The following BNC2 variants were observed in gnomAD, a reference collection of about 807,000 sequenced individuals.
BNC2 encodes zinc finger protein basonuclin-2.
A neutral mutation model predicts 76.3 loss-of-function variants in BNC2; 20 were observed. The observed-to-expected ratio is 0.26, with a 90% confidence interval of 0.18 to 0.38. The LOEUF is 0.38. BNC2 is among the 10% of genes least tolerant of loss of function. The pLI, the probability that BNC2 is intolerant of heterozygous loss-of-function variation, is 1.00. For synonymous variants in BNC2, 582 were observed against 514.8 expected (o/e 1.13, Z -1.77); for missense variants, 1,382 against 1,399.8 (o/e 0.99, Z 0.20).
rs999822192 is a variant in BNC2 at position 16,725,517 on chromosome 9, C to CA, written c.330+2279dup. On this transcript the variant is annotated intron_variant, in intron 3 of 6. Coordinates refer to ENST00000380672, the MANE Select transcript of BNC2 (RefSeq NM_017637.6). ...GAGTGATTGCTAACTACATCAAAAC[C>CA]AAAAAAAAAAGAAAACATATTTAAA... is the stretch of plus-strand genomic sequence containing the variant. 3.0e-3 allele frequency among the ~76,000 whole-genome samples: 436 copies of CA among 144,920 alleles called. 14 individuals are homozygous for CA. The highest frequency in any genetic ancestry group is 5.9e-4 in the Non-Finnish European group (39 of 65,628).
intron 6 of BNC2, among the ~76,000 whole-genome samples, chr9:16,419,989 T>C (rs2119061837): frequency 6.6e-6 from 1 of 152,312 alleles, no homozygotes; most frequent in Middle Eastern, 3.4e-3. Flanking sequence ...GAGAATTTCA[T>C]GGCAGAGATT....
At chr9:16,727,717 C>T (rs917821988) in intron 3 of BNC2, 80 bp downstream of exon 3, 2 of 1,235,052 alleles carry the variant, frequency 1.6e-6, no homozygotes, top group African/African-American at 3.1e-5. Context: ...GAAAGAAAAA[C>T]ACCAGAAACA....
chr9:16,806,124 T>G (rs1332437923), intron 1 of BNC2, among the ~76,000 whole-genome samples: 1 of 152,170 alleles, frequency 6.6e-6, no homozygotes, highest in Admixed American at 6.5e-5. Flanking sequence ...AAATCAGTTT[T>G]TTGTAAATGA....
At chr9:16,524,059 G>A (rs550813828) in intron 5 of BNC2, among the ~76,000 whole-genome samples, 41 of 152,320 alleles carry the variant, frequency 2.7e-4, no homozygotes, top group African/African-American at 9.4e-4. Flanking sequence ...GAAATAAGCT[G>A]CTTCTTCAAT....
intron 6 of BNC2, chr9:16,421,154 G>C: frequency 3.5e-6 from 2 of 571,422 alleles, no homozygotes; most frequent in Non-Finnish European, 5.0e-6. Flanking sequence ...CAAGAAAGGT[G>C]GGGAAGACTT....
chr9:16,679,385 C>T (rs1423601154), intron 3 of BNC2, among the ~76,000 whole-genome samples: 1 of 152,222 alleles, frequency 6.6e-6, no homozygotes, highest in Non-Finnish European at 1.5e-5. Flanking sequence ...CATCGCTATA[C>T]AGCAACTTGT....
At chr9:16,640,594 A>G (rs1391768100) in intron 3 of BNC2, among the ~76,000 whole-genome samples, 2 of 152,210 alleles carry the variant, frequency 1.3e-5, no homozygotes, top group Non-Finnish European at 2.9e-5. Context: ...TATTAGGCTG[A>G]GAAAACATGT....
chr9:16,854,151 T>G (rs1819197248), intron 1 of BNC2, among the ~76,000 whole-genome samples: 1 of 152,168 alleles, frequency 6.6e-6, no homozygotes, highest in South Asian at 2.1e-4. Context: ...CCATAGCAGA[T>G]TATTCTTGAT....
chr9:16,683,879 C>T (rs1822898252), intron 3 of BNC2, among the ~76,000 whole-genome samples: 1 of 152,170 alleles, frequency 6.6e-6, no homozygotes, highest in African/African-American at 2.4e-5. Flanking sequence ...TCCTTCCACG[C>T]AGTCCACCAA....
chr9:16,785,586 T>C (rs1253704625), intron 1 of BNC2, among the ~76,000 whole-genome samples: 5 of 130,948 alleles, frequency 3.8e-5, no homozygotes, highest in East Asian at 4.6e-4. Context: ...TTAGTAGAGG[T>C]GAGGTTTCAC....
In BNC2 at chr9:16,751,684, G is replaced by A. The variant is rs13290504; in HGVS notation, c.4-13199C>T. 5.5e-4 allele frequency among the ~76,000 whole-genome samples: 21 copies of A among 38,476 alleles called. 1 individual carries two copies. The highest frequency in any genetic ancestry group is 6.1e-4 in the South Asian group (1 of 1,638). The allele number at this position is 38,476 out of a possible 152,430, so 25.2% of individuals were successfully genotyped here. On this transcript the variant is annotated intron_variant, in intron 1 of 6. Coordinates refer to ENST00000380672, the MANE Select transcript of BNC2 (RefSeq NM_017637.6). ...TATGTATGTATGTGTATATATATAT[G>A]TATGTGTGTATATATATATATATGT...
At chr9:16,468,183 G>A (rs914189607) in intron 5 of BNC2, among the ~76,000 whole-genome samples, 4 of 151,096 alleles carry the variant, frequency 2.6e-5, no homozygotes, top group African/African-American at 9.7e-5. Flanking sequence ...TAGGATTATA[G>A]GCATGAGCCA....
At chr9:16,656,589 G>A (rs10962519) in intron 3 of BNC2, among the ~76,000 whole-genome samples, 52,333 of 152,010 alleles carry the variant, frequency 0.34, 9,238 homozygotes, top group Non-Finnish European at 0.37. Flanking sequence ...ATGCATTCAT[G>A]CTACCATCAC....
At chr9:16,743,609 G>A (rs1035520042) in intron 1 of BNC2, among the ~76,000 whole-genome samples, 7 of 152,122 alleles carry the variant, frequency 4.6e-5, no homozygotes, top group South Asian at 4.1e-4. Context: ...CAAAGCACCC[G>A]CAGGGCTGAT....
intron 3 of BNC2, among the ~76,000 whole-genome samples, chr9:16,622,623 T>C (rs971664216): frequency 1.3e-5 from 2 of 152,286 alleles, no homozygotes; most frequent in African/African-American, 4.8e-5. Context: ...TGATCCCTCT[T>C]GGAGGCACAA....
chr9:16,625,686 G>T (rs1280079847), intron 3 of BNC2: 1 of 152,186 alleles, frequency 6.6e-6, no homozygotes, highest in Non-Finnish European at 1.5e-5. Context: ...TAGATAGTGG[G>T]ATACTTTCCT....
At chr9:16,683,092 C>T (rs1399278124) in intron 3 of BNC2, among the ~76,000 whole-genome samples, 1 of 152,106 alleles carries the variant, frequency 6.6e-6, no homozygotes, top group Non-Finnish European at 1.5e-5. Context: ...GCAATATTAA[C>T]ACAAACCACA....
intron 3 of BNC2, among the ~76,000 whole-genome samples, chr9:16,627,431 A>G (rs1339630438): frequency 6.6e-6 from 1 of 152,182 alleles, no homozygotes; most frequent in Non-Finnish European, 1.5e-5. Flanking sequence ...CGGCCTGTGC[A>G]GTTGTAAAAT....
chr9:16,646,641 A>G (rs1821634988), intron 3 of BNC2, among the ~76,000 whole-genome samples: 1 of 152,152 alleles, frequency 6.6e-6, no homozygotes, highest in Admixed American at 6.6e-5. Context: ...AAAGAAAATG[A>G]TACGTACTTT....
Sources: gnomAD v4.1 joint callset for allele counts (sites outside exome capture counted in the v4.1 genomes callset) on GRCh38, gnomAD v4.1.1 for gene constraint, MANE v1.5 for transcripts, NCBI Gene and HGNC (gene_info 2026-07-23, HGNC 2026-07-21) for gene names.